The following PUM1 variants were observed in gnomAD, a reference collection of about 807,000 sequenced individuals.
PUM1 encodes pumilio RNA binding family member 1.
In PUM1, 13 loss-of-function variants were observed where a neutral mutation model predicts 131.8. The ratio of observed to expected loss-of-function variants is 0.10; its 90% CI spans 0.06 to 0.16. The LOEUF (loss-of-function observed/expected upper bound fraction) is 0.16. PUM1 is among the 10% of genes least tolerant of loss of function. The probability of loss-of-function intolerance (pLI) is 1.00; values close to 1 mark genes in which losing one functional copy is unlikely to be tolerated. For synonymous variants in PUM1, 509 were observed against 556.5 expected, an observed-to-expected ratio of 0.91 and a Z score of 1.20; for missense variants, 961 against 1,512.4, an observed-to-expected ratio of 0.64 and a Z score of 6.05.
chr1:31,052,637 G>A (rs1644139299), intron 2 of PUM1, among the ~76,000 whole-genome samples: 1 of 151,630 alleles, frequency 6.6e-6, no homozygotes, highest in Non-Finnish European at 1.5e-5. Context: ...GAGTATCTGG[G>A]ATTAGAGGCA....
intron 7 of PUM1, among the ~76,000 whole-genome samples, chr1:30,981,678 TCTCACA>T: frequency 1.6e-5 from 1 of 63,626 alleles, no homozygotes; most frequent in South Asian, 9.2e-4. Flanking sequence ...ATACACACTC[TCTCACA>T]CACACACACA....
intron 1 of PUM1, 150 bp from the exon 2 acceptor site, chr1:31,059,727 T>C (rs749521121): frequency 1.0e-4 from 88 of 857,416 alleles, no homozygotes; most frequent in Non-Finnish European, 1.5e-4. Context: ...CAGAACTCAA[T>C]ACTACCACTT....
intron 7 of PUM1, among the ~76,000 whole-genome samples, chr1:30,981,717 A>G (rs758551035): frequency 6.6e-5 from 10 of 152,112 alleles, no homozygotes; most frequent in East Asian, 1.9e-4. Context: ...ATCTATATCT[A>G]TATCTATATA....
chr1:30,934,069 T>C (rs1223476664), intron 21 of PUM1, among the ~76,000 whole-genome samples: 3 of 152,180 alleles, frequency 2.0e-5, no homozygotes, highest in African/African-American at 4.8e-5. Context: ...CACACCAGCC[T>C]CATCCCTCAG....
intron 15 of PUM1, 84 bp downstream of exon 15, chr1:30,953,630 T>C: frequency 2.8e-6 from 4 of 1,448,248 alleles, no homozygotes; most frequent in Non-Finnish European, 3.8e-6. Context: ...TATGGCAATT[T>C]ATTTAAGTAG....
rs768564087 is a variant in PUM1, at chr1:30,936,681, C to T, written c.3397G>A (p.Val1133Met). 55 of 1,614,068 alleles carry T rather than the reference C, an allele frequency of 3.4e-5. 2 individuals carry two copies. In the Middle Eastern group the frequency reaches 6.8e-3, roughly 198 times the overall value. ...ANYVVQKMIDVAEPGQRKIVM... is the reference protein window; with the variant it reads ...ANYVVQKMIDMAEPGQRKIVM... The stretch of plus-strand genomic sequence containing the variant: ...ATCTTCCGCTGGCCTGGCTCCGCCA[C>T]GTCAATCATCTTCTGGACCACGTAG... Residue 1133 changes from valine to methionine, a missense_variant, in exon 21 of 22, where the codon GTG (valine) becomes ATG (methionine). Val to Met is a conservative substitution (Grantham distance 21). Around this residue, in one of 4 missense-constraint regions of PUM1, gnomAD observed 178 missense variants for 327.5 expected, o/e 0.54. Coordinates refer to ENST00000426105, the MANE Select transcript of PUM1 (RefSeq NM_001020658.2).
At chr1:30,976,781 A>G (rs899885084) in intron 9 of PUM1, among the ~76,000 whole-genome samples, 7 of 152,044 alleles carry the variant, frequency 4.6e-5, no homozygotes, top group African/African-American at 1.7e-4. Flanking sequence ...GGGTTAAAAC[A>G]TTTTTTAATT....
chr1:31,021,081 G>T (rs1412495612), intron 3 of PUM1, among the ~76,000 whole-genome samples: 1 of 152,098 alleles, frequency 6.6e-6, no homozygotes, highest in African/African-American at 2.4e-5. Flanking sequence ...AAGTACCATC[G>T]ATCTGTAACA....
chr1:30,949,863 A>C (rs1570108990), intron 17 of PUM1, among the ~76,000 whole-genome samples: 2 of 152,280 alleles, frequency 1.3e-5, no homozygotes, highest in Admixed American at 6.5e-5. Flanking sequence ...GGAAAAAAAA[A>C]CCACCTATAA....
intron 3 of PUM1, among the ~76,000 whole-genome samples, chr1:31,023,862 G>C (rs538122529): frequency 7.1e-6 from 1 of 140,590 alleles, no homozygotes; most frequent in African/African-American, 2.7e-5. Flanking sequence ...CCGGGAGGCG[G>C]AATTTGCAGT....
At chr1:31,006,485 C>A (rs1642405904) in intron 4 of PUM1, among the ~76,000 whole-genome samples, 1 of 152,154 alleles carries the variant, frequency 6.6e-6, no homozygotes. Flanking sequence ...CTCCTTCCTC[C>A]CTATCATCTG....
chr1:31,029,941 C>T (rs1287213219), intron 2 of PUM1, among the ~76,000 whole-genome samples: 1 of 147,146 alleles, frequency 6.8e-6, no homozygotes, highest in East Asian at 2.0e-4. Context: ...AAAGGCTGGG[C>T]GCAGTGGCTC....
chr1:31,059,459 A>G lies in PUM1; in HGVS notation c.108T>C (p.Val36=), dbSNP rs1265795844. The G allele has an allele frequency of 6.2e-7, 1 of 1,614,180 alleles. No individual in the cohort carries two copies. Among genetic ancestry groups the G allele is most frequent in the Admixed American group, 1.7e-5 (1 of 60,012 alleles). ...PQEPANPNMP[V]VLTSGTGSQA... ...GCGACCCTGTTCCAGATGTCAAAAC[A>G]ACAGGCATGTTGGGATTAGCTGGTT... The change falls in exon 2 of 22, where the codon GTT becomes GTC. Residue 36 remains valine (V), a synonymous_variant. Transcript: ENST00000426105.
At chr1:30,976,547 A>T (rs182322580) in intron 9 of PUM1, among the ~76,000 whole-genome samples, 12 of 152,318 alleles carry the variant, frequency 7.9e-5, no homozygotes, top group Non-Finnish European at 5.9e-5. Context: ...TGTTTCCCCC[A>T]TTTTAAGCTT....
intron 14 of PUM1, among the ~76,000 whole-genome samples, chr1:30,956,235 C>T (rs1026158308): frequency 4.6e-5 from 7 of 152,000 alleles, no homozygotes; most frequent in Non-Finnish European, 1.0e-4. Context: ...GAAAAGAAAA[C>T]AGCAGTCATA....
At chr1:31,043,721 C>T (rs930783761) in intron 2 of PUM1, among the ~76,000 whole-genome samples, 2 of 152,110 alleles carry the variant, frequency 1.3e-5, no homozygotes, top group South Asian at 2.1e-4. Context: ...CTCCTCTTCC[C>T]GGGTTTGTAA....
intron 2 of PUM1, among the ~76,000 whole-genome samples, chr1:31,034,894 T>C (rs1643554521): frequency 1.3e-5 from 2 of 152,066 alleles, no homozygotes; most frequent in African/African-American, 4.8e-5. Flanking sequence ...CAGGAACCAT[T>C]ATGGAAAGGA....
At chr1:31,042,029 G>A (rs143775533) in intron 2 of PUM1, among the ~76,000 whole-genome samples, 2 of 152,194 alleles carry the variant, frequency 1.3e-5, no homozygotes, top group Admixed American at 6.6e-5. Context: ...TCTAGGCCAG[G>A]CCCAGTGGCT....
chr1:31,007,295 G>A (rs1294054143), intron 3 of PUM1, among the ~76,000 whole-genome samples, 193 bp from the exon 4 acceptor site: 5 of 152,000 alleles, frequency 3.3e-5, no homozygotes, highest in Non-Finnish European at 7.4e-5. Flanking sequence ...GAGGCCTAAG[G>A]CAAGGTGGGG....
Sources: allele counts gnomAD v4.1 joint callset (sites outside exome capture counted in the v4.1 genomes callset), GRCh38; gene constraint gnomAD v4.1.1; regional missense constraint gnomAD v4.1.1; transcripts MANE v1.5; gene names NCBI Gene and HGNC (gene_info 2026-07-23, HGNC 2026-07-21).